ADGRB2: variants seen among roughly 807,000 people sequenced by gnomAD.
ADGRB2 encodes the protein brain-specific angiogenesis inhibitor 2.
A neutral mutation model predicts 178.7 loss-of-function variants in ADGRB2; 47 were observed. That is an observed-to-expected ratio of 0.26 (90% CI 0.21 to 0.34). The LOEUF (loss-of-function observed/expected upper bound fraction) is 0.34. Ranked by LOEUF, ADGRB2 falls within the 10% of genes least tolerant of loss-of-function variation. The pLI, the probability that ADGRB2 is intolerant of heterozygous loss-of-function variation, is 1.00. For missense variants in ADGRB2, 1,584 were observed against 2,180.8 expected (o/e 0.73, Z 5.45); for synonymous variants, 870 against 912.4 (o/e 0.95, Z 0.84).
chr1:31,731,322 G>A lies in ADGRB2; in HGVS notation c.3858C>T (p.Leu1286=), dbSNP rs759556775. Residue 1286 remains leucine, a synonymous_variant, in exon 29 of 33, where the codon CTC becomes CTT. Coordinates refer to ENST00000373658, the MANE Select transcript of ADGRB2 (RefSeq NM_001364857.2). The part of the protein sequence containing the change: ...LDEDEEPKSC[L]VGPEGSLSFS... Reference sequence around the variant, plus strand: ...AGCTGAGGCTGCCCTCAGGGCCCACGAGGCAGGACTTGGGCTCCTCATCCT... The same window carrying A: ...AGCTGAGGCTGCCCTCAGGGCCCACAAGGCAGGACTTGGGCTCCTCATCCT... The A allele has an allele frequency of 1.6e-5, 25 of 1,612,862 alleles. No individual in the cohort carries two copies. Among genetic ancestry groups the A allele is most frequent in the Non-Finnish European group, 1.7e-5 (20 of 1,179,902 alleles).
In ADGRB2 at chr1:31,756,830, A is replaced by G. The variant is rs777165033; in HGVS notation, c.22-15T>C. ...TGTCCCTTGCCCTGTGGAGAGAGAC[A>G]GTGGTCAGCGGGCCCCCAGCACAGC... On this transcript the variant is annotated splice_polypyrimidine_tract_variant and intron_variant, in intron 3 of 32. Transcript: ENST00000373658. The surrounding 1 kb of genome is among the most constrained non-coding windows in gnomAD (Gnocchi z 8.5). 2 of 1,455,642 alleles carry G rather than the reference A, an allele frequency of 1.4e-6. No individual in the cohort carries two copies. Among genetic ancestry groups the G allele is most frequent in the Non-Finnish European group, 1.8e-6 (2 of 1,101,360 alleles). The allele number at this position is 1,455,642 out of a possible 1,614,324, so 90.2% of individuals were successfully genotyped here.
In ADGRB2 at chr1:31,758,222, G is replaced by T. The variant is rs1436677802; in HGVS notation, c.-190-711C>A. ...AGCCCAGCTGGTCCTCATCAGAGGA[G>T]AAAAGATGGGGCTAGGAAAAGGGAG... On this transcript the variant is annotated intron_variant, in intron 1 of 32. Coordinates refer to ENST00000373658, the MANE Select transcript of ADGRB2 (RefSeq NM_001364857.2). This position sits in a 1 kb window ranked among gnomAD's most constrained non-coding sequence, Gnocchi z 4.2. Among the ~76,000 whole-genome samples the T allele has an allele frequency of 6.6e-6, 1 of 152,232 alleles. No homozygotes were observed. The highest frequency in any genetic ancestry group is 1.5e-5 in the Non-Finnish European group (1 of 68,036).
In ADGRB2 at chr1:31,728,504, T is replaced by C; in HGVS notation, c.4416+94A>G. On this transcript the variant is annotated intron_variant, in intron 30 of 32. Transcript: ENST00000373658. This position sits in a 1 kb window ranked among gnomAD's most constrained non-coding sequence, Gnocchi z 6.7. The stretch of plus-strand genomic sequence containing the variant: ...GGCTTGGGCTCCTGGGGTCAGGCTC[T>C]GCAACAGAGCTTGGACTACTTTTAG... 6.3e-7 allele frequency: 1 copy of C among 1,580,746 alleles called. No homozygotes were observed. Among genetic ancestry groups the C allele is most frequent in the East Asian group, 2.2e-5 (1 of 44,656 alleles).
Position 31,756,428 on chromosome 1 carries a change from C to A in ADGRB2, c.409G>T (p.Ala137Ser), listed in dbSNP as rs375593564. 1 of 1,611,974 alleles carries A rather than the reference C, an allele frequency of 6.2e-7. No homozygotes were observed. Among genetic ancestry groups the A allele is most frequent in the African/African-American group, 1.3e-5 (1 of 75,058 alleles). Residue 137 changes from alanine (A) to serine (S), a missense_variant, in exon 4 of 33, where the codon GCG becomes TCG. Physicochemically the swap from Ala to Ser is moderately conservative, Grantham distance 99 (BLOSUM62 1). Transcript: ENST00000373658. The surrounding 1 kb of genome is among the most constrained non-coding windows in gnomAD (Gnocchi z 8.5). ...GAGCCGCTGCACAGCTCCAACCCCGCTGCCGCCTCTGCCTCCTCCTCTTCT... is the reference window on the plus strand; with the variant it reads ...GAGCCGCTGCACAGCTCCAACCCCGATGCCGCCTCTGCCTCCTCCTCTTCT... Reference protein sequence around the residue: ...RPEEEEAEAAAGLELCSGSGP... With the variant: ...RPEEEEAEAASGLELCSGSGP...
At chr1:31,749,089 G>A (rs1646427867) in intron 4 of ADGRB2, among the ~76,000 whole-genome samples, 1 of 152,076 alleles carries the variant, frequency 6.6e-6, no homozygotes, top group South Asian at 2.1e-4. Flanking sequence ...GTCACTCCCC[G>A]CCTCCATCTA....
intron 1 of ADGRB2, among the ~76,000 whole-genome samples, chr1:31,757,755 G>A (rs907266107): frequency 6.6e-6 from 1 of 152,152 alleles, no homozygotes; most frequent in Non-Finnish European, 1.5e-5. Flanking sequence ...CCAGCCAGTC[G>A]TGACCTCTCT....
In ADGRB2 at chr1:31,742,126, C is replaced by T; in HGVS notation, c.1344G>A (p.Val448=). ...GTQQRSRKCS[V]AGPAWATCTG... ...TGCATGTGGCCCAGGCTGGGCCCGCCACGCTGCACTTCCGGCTGCGCTGTT... is the reference window on the plus strand; with the variant it reads ...TGCATGTGGCCCAGGCTGGGCCCGCTACGCTGCACTTCCGGCTGCGCTGTT... Residue 448 remains valine, a synonymous_variant, in exon 8 of 33, where the codon GTG becomes GTA. Transcript: ENST00000373658. 6.2e-7 allele frequency: 1 copy of T among 1,613,538 alleles called. No homozygotes were observed. The highest frequency in any genetic ancestry group is 8.5e-7 in the Non-Finnish European group (1 of 1,179,932).
At chr1:31,734,021 C>T (rs998462601) in intron 25 of ADGRB2, among the ~76,000 whole-genome samples, 12 of 152,182 alleles carry the variant, frequency 7.9e-5, no homozygotes, top group Admixed American at 2.0e-4. Context: ...GGCACCATTC[C>T]GCAGAGACAG....
At chr1:31,752,265 G>C (rs1410626762) in intron 4 of ADGRB2, among the ~76,000 whole-genome samples, 1 of 152,212 alleles carries the variant, frequency 6.6e-6, no homozygotes, top group Admixed American at 6.5e-5. Context: ...CTGGAACTCA[G>C]TCCCTGCTGA....
intron 20 of ADGRB2, 105 bp from the exon 21 acceptor site, chr1:31,736,828 G>A: frequency 3.4e-6 from 5 of 1,475,718 alleles, no homozygotes; most frequent in Middle Eastern, 2.4e-4. Flanking sequence ...CCGCCCACCT[G>A]AGCCCCGCCC....
rs994346990 is a variant in ADGRB2, at chr1:31,728,430, A to G, written c.4417-150T>C. 51 of 1,339,724 alleles carry G rather than the reference A, an allele frequency of 3.8e-5. No homozygotes were observed. In the Admixed American group the frequency reaches 5.2e-4, roughly 14 times the overall value. The allele number at this position is 1,339,724 out of a possible 1,614,324, so 83.0% of individuals were successfully genotyped here. ...CTAGTTCTCTCTTCACGTTGGTGCTATGGGCTTGGGCAGGGAGGGAATCAT... is the reference window on the plus strand; with the variant it reads ...CTAGTTCTCTCTTCACGTTGGTGCTGTGGGCTTGGGCAGGGAGGGAATCAT... On this transcript the variant is annotated intron_variant, in intron 30 of 32. Transcript: ENST00000373658. The surrounding 1 kb of genome is among the most constrained non-coding windows in gnomAD (Gnocchi z 6.7).
intron 3 of ADGRB2, 113 bp downstream of exon 3, chr1:31,757,088 C>CT: frequency 1.9e-6 from 3 of 1,563,368 alleles, no homozygotes; most frequent in Non-Finnish European, 2.6e-6. Flanking sequence ...TGCCTGGAAT[C>CT]TTGTGAGCCC....
chr1:31,738,675 C>T (rs765615339), intron 16 of ADGRB2, 45 bp from the exon 17 acceptor site: 1 of 1,607,924 alleles, frequency 6.2e-7, no homozygotes. Flanking sequence ...GGGAAGCTCA[C>T]CACACCCCAC....
rs368429434 is a variant in ADGRB2, at chr1:31,740,144, G to A, written c.2024C>T (p.Ala675Val). 1.2e-5 allele frequency: 20 copies of A among 1,613,976 alleles called. No individual in the cohort carries two copies. Among genetic ancestry groups the A allele is most frequent in the Admixed American group, 8.3e-5 (5 of 59,998 alleles). Residue 675 changes from alanine (A) to valine (V), a missense_variant, in exon 13 of 33, where the codon GCG (alanine) becomes GTG (valine). Coordinates refer to ENST00000373658, the MANE Select transcript of ADGRB2 (RefSeq NM_001364857.2). This position sits in a 1 kb window ranked among gnomAD's most constrained non-coding sequence, Gnocchi z 5.9. Reference protein sequence around the residue: ...FFQVVSFMVDAENKEKWDDAQ... With the variant: ...FFQVVSFMVDVENKEKWDDAQ... ...ATCGTCCCACTTCTCCTTGTTTTCC[G>A]CATCCACCATGAAGCTCACCACCTG...
chr1:31,755,911 T>G lies in ADGRB2; in HGVS notation c.838+88A>C. ...GGGGTGACATCAGTGAACAGCTACATGCATGGCCGAGGATCTGCCAGGATG... is the reference window on the plus strand; with the variant it reads ...GGGGTGACATCAGTGAACAGCTACAGGCATGGCCGAGGATCTGCCAGGATG... On this transcript the variant is annotated intron_variant, in intron 4 of 32. Coordinates refer to ENST00000373658, the MANE Select transcript of ADGRB2 (RefSeq NM_001364857.2). This position sits in a 1 kb window ranked among gnomAD's most constrained non-coding sequence, Gnocchi z 5.1. 1 of 1,505,204 alleles carries G rather than the reference T, an allele frequency of 6.6e-7. No individual in the cohort carries two copies. The highest frequency in any genetic ancestry group is 9.0e-7 in the Non-Finnish European group (1 of 1,114,936). 93.2% of individuals were successfully genotyped at this position (1,505,204 alleles called of 1,614,324 possible).
Position 31,740,245 on chromosome 1 carries a change from G to A in ADGRB2, c.1990-67C>T. On this transcript the variant is annotated intron_variant, in intron 12 of 32. Transcript: ENST00000373658. The surrounding 1 kb of genome is among the most constrained non-coding windows in gnomAD (Gnocchi z 5.9). ...GGAACAGGGGGCTTCCCCCACTATAGCCACACTTGCCGCCTCTACAGCAGA... is the reference window on the plus strand; with the variant it reads ...GGAACAGGGGGCTTCCCCCACTATAACCACACTTGCCGCCTCTACAGCAGA... The A allele has an allele frequency of 6.2e-7, 1 of 1,608,826 alleles. No homozygotes were observed. The highest frequency in any genetic ancestry group is 8.5e-7 in the Non-Finnish European group (1 of 1,176,966).
Position 31,733,427 on chromosome 1 carries a change from C to T in ADGRB2, c.3453-284G>A, listed in dbSNP as rs77427036. On this transcript the variant is annotated intron_variant, in intron 25 of 32. Transcript: ENST00000373658. The surrounding 1 kb of genome is among the most constrained non-coding windows in gnomAD (Gnocchi z 4.3). Reference sequence around the variant, plus strand: ...CCGAGCCACAGACAGTGGAAAGGGACGGGGAGAGAGAAGAGGAGGCAGACA... The same window carrying T: ...CCGAGCCACAGACAGTGGAAAGGGATGGGGAGAGAGAAGAGGAGGCAGACA... 0.021 allele frequency among the ~76,000 whole-genome samples: 3,134 copies of T among 152,136 alleles called. 101 individuals carry two copies. Among genetic ancestry groups the T allele is most frequent in the African/African-American group, 0.071 (2,958 of 41,488 alleles).
At chr1:31,747,325 C>A (rs1239896888) in intron 4 of ADGRB2, among the ~76,000 whole-genome samples, 1 of 152,094 alleles carries the variant, frequency 6.6e-6, no homozygotes, top group East Asian at 1.9e-4. Flanking sequence ...AACCAATGCT[C>A]CCAAATCATC....
At position 31,744,326 on chromosome 1, in the gene ADGRB2, C is replaced by G; in HGVS notation, c.954G>C (p.Trp318Cys). The G allele has an allele frequency of 6.4e-7, 1 of 1,551,014 alleles. No individual in the cohort carries two copies. Among genetic ancestry groups the G allele is most frequent in the Non-Finnish European group, 8.7e-7 (1 of 1,146,876 alleles). Residue 318 changes from tryptophan to cysteine, a missense_variant, in exon 6 of 33, where the codon TGG becomes TGC. Trp to Cys is a radical substitution (Grantham distance 215). This residue lies in a region of ADGRB2 where 657 missense variants were observed against 847.6 expected (regional missense o/e 0.78). Transcript: ENST00000373658. The surrounding 1 kb of genome is among the most constrained non-coding windows in gnomAD (Gnocchi z 6.7). The stretch of plus-strand genomic sequence containing the variant: ...GCCCACACGTCAGGGAACACACGCT[C>G]CACGGGGACCACTCCTCAGCCGCCG... ...GDPAAEEWSP[W>C]SVCSLTCGQG...
Sources: allele counts gnomAD v4.1 joint callset (sites outside exome capture counted in the v4.1 genomes callset), GRCh38; gene constraint gnomAD v4.1.1; regional missense constraint gnomAD v4.1.1; non-coding constraint Gnocchi (gnomAD v3.1); transcripts MANE v1.5; gene names NCBI Gene and HGNC (gene_info 2026-07-23, HGNC 2026-07-21).